The following SAMD5 variants were observed in gnomAD, a reference collection of about 807,000 sequenced individuals.
SAMD5 encodes sterile alpha motif domain containing 5.
In SAMD5, 13 loss-of-function variants were observed where a neutral mutation model predicts 11.3. That is an observed-to-expected ratio of 1.15 (90% CI 0.75 to 1.83). The LOEUF (loss-of-function observed/expected upper bound fraction) is 1.83, where lower values mean the gene tolerates loss of function less well. SAMD5 is among the 40% of genes most tolerant of loss of function. The probability of loss-of-function intolerance (pLI) is 0.00; values close to 1 mark genes in which losing one functional copy is unlikely to be tolerated. For missense variants in SAMD5, 255 were observed against 239.1 expected, an observed-to-expected ratio of 1.07 and a Z score of -0.44; for synonymous variants, 129 against 111.3, an observed-to-expected ratio of 1.16 and a Z score of -1.00.
At chr6:147,713,633 G>C (rs1791428474) in intron 1 of SAMD5, among the ~76,000 whole-genome samples, 1 of 152,190 alleles carries the variant, frequency 6.6e-6, no homozygotes, top group Admixed American at 6.5e-5. Flanking sequence ...GTCTATCCAA[G>C]AGTGTTTGGG....
chr6:147,902,177 C>A, the SAMD5 span, among the ~76,000 whole-genome samples: 1 of 152,066 alleles, frequency 6.6e-6, no homozygotes, highest in Non-Finnish European at 1.5e-5. Flanking sequence ...AATGGCCCCA[C>A]ACATCTCTCA....
downstream of SAMD5, among the ~76,000 whole-genome samples, chr6:147,742,398 A>G (rs978185587): frequency 6.6e-6 from 1 of 152,170 alleles, no homozygotes; most frequent in Non-Finnish European, 1.5e-5. Flanking sequence ...AATAACCAAT[A>G]ATAATCTTCG....
chr6:147,778,989 A>ATTT, the SAMD5 span, among the ~76,000 whole-genome samples: 363 of 148,010 alleles, frequency 2.5e-3, 3 homozygotes, highest in East Asian at 0.042. Context: ...GGGAAAATGG[A>ATTT]TTTTTTTTTT....
the SAMD5 span, among the ~76,000 whole-genome samples, chr6:147,807,277 G>A: frequency 6.6e-6 from 1 of 150,914 alleles, no homozygotes; most frequent in East Asian, 1.9e-4. Context: ...TTTTTTTTTT[G>A]TACTTTTAGT....
At chr6:147,628,323 T>C (rs898471804) in intron 1 of SAMD5, among the ~76,000 whole-genome samples, 4 of 152,234 alleles carry the variant, frequency 2.6e-5, no homozygotes, top group Non-Finnish European at 5.9e-5. Context: ...ACATAAAAGA[T>C]AATTTTTTAA....
At chr6:147,793,397 T>C in the SAMD5 span, among the ~76,000 whole-genome samples, 42,289 of 152,000 alleles carry the variant, frequency 0.28, 6,963 homozygotes, top group African/African-American at 0.45. Flanking sequence ...CTTCATGAGA[T>C]GTGATGACTA....
the SAMD5 span, among the ~76,000 whole-genome samples, chr6:147,827,165 A>G: frequency 6.6e-6 from 1 of 152,152 alleles, no homozygotes; most frequent in African/African-American, 2.4e-5. Context: ...GTGCAAATAG[A>G]GATTACTTTG....
chr6:147,860,362 C>T, the SAMD5 span, among the ~76,000 whole-genome samples: 1 of 152,308 alleles, frequency 6.6e-6, no homozygotes, highest in East Asian at 1.9e-4. Flanking sequence ...AATAAGATCA[C>T]ATTCACAGGT....
chr6:147,522,590 G>A (rs1247234913), intron 1 of SAMD5, among the ~76,000 whole-genome samples: 3 of 152,210 alleles, frequency 2.0e-5, no homozygotes, highest in South Asian at 2.1e-4. Context: ...AAAGCAGAGT[G>A]TGAGATGAGG....
chr6:147,611,181 G>T (rs1789779206), intron 1 of SAMD5, among the ~76,000 whole-genome samples: 1 of 152,086 alleles, frequency 6.6e-6, no homozygotes, highest in Non-Finnish European at 1.5e-5. Context: ...CAAGGCCAGA[G>T]TTCATCGTCA....
In SAMD5 at chr6:147,726,228, C is replaced by T. The variant is rs187861515; in HGVS notation, c.163-11089C>T. ...CTGTCCCCTAACTACCACCCACCCC[C>T]GTTCCTCCTTACTTCTGCATCCATT... On this transcript the variant is annotated intron_variant, in intron 1 of 1. Transcript: ENST00000566741. Among the ~76,000 whole-genome samples the T allele has an allele frequency of 2.0e-5, 3 of 152,302 alleles. No individual in the cohort carries two copies. The East Asian group carries it at 5.8e-4, about 29-fold the overall frequency.
chr6:147,816,946 A>G, the SAMD5 span, among the ~76,000 whole-genome samples: 1 of 52,082 alleles, frequency 1.9e-5, no homozygotes, highest in African/African-American at 2.5e-4. Context: ...GACATGTAGA[A>G]AAAAAAAACA....
chr6:147,561,344 C>A (rs1002633555), intron 1 of SAMD5, among the ~76,000 whole-genome samples: 1 of 152,078 alleles, frequency 6.6e-6, no homozygotes, highest in Non-Finnish European at 1.5e-5. Context: ...CGTGCCACCA[C>A]GCCCAGCTAA....
At chr6:147,771,426 A>G in the SAMD5 span, among the ~76,000 whole-genome samples, 1 of 152,184 alleles carries the variant, frequency 6.6e-6, no homozygotes, top group Non-Finnish European at 1.5e-5. Flanking sequence ...CACCCTGGTT[A>G]TAAAAAGGAA....
At chr6:147,658,803 T>C (rs556474080) in intron 1 of SAMD5, among the ~76,000 whole-genome samples, 57 of 152,330 alleles carry the variant, frequency 3.7e-4, no homozygotes, top group African/African-American at 1.3e-3. Flanking sequence ...TTTGGCTTTA[T>C]ACTAATGATG....
intron 1 of SAMD5, chr6:147,733,741 TG>T: frequency 1.1e-6 from 1 of 935,632 alleles, no homozygotes; most frequent in Non-Finnish European, 1.3e-6. Flanking sequence ...TTTAAAATTA[TG>T]GAAATTCTTC....
the SAMD5 span, among the ~76,000 whole-genome samples, chr6:147,834,579 G>C: frequency 1.3e-5 from 2 of 152,160 alleles, no homozygotes; most frequent in Non-Finnish European, 2.9e-5. Context: ...ACTGATATGT[G>C]CACTCATTTG....
At chr6:147,728,009 T>G (rs1791653737) in intron 1 of SAMD5, among the ~76,000 whole-genome samples, 2 of 152,340 alleles carry the variant, frequency 1.3e-5, no homozygotes, top group South Asian at 2.1e-4. Flanking sequence ...TGATTGCCTC[T>G]TTATGAAAGT....
chr6:147,878,697 A>G, the SAMD5 span, among the ~76,000 whole-genome samples: 1 of 150,888 alleles, frequency 6.6e-6, no homozygotes, highest in Non-Finnish European at 1.5e-5. Context: ...TCTAGTGTAT[A>G]GATATATCTA....
Sources: allele counts gnomAD v4.1 joint callset (sites outside exome capture counted in the v4.1 genomes callset), GRCh38; gene constraint gnomAD v4.1.1; transcripts MANE v1.5; gene names NCBI Gene and HGNC (gene_info 2026-07-23, HGNC 2026-07-21).